The following RBFOX3 variants were observed in gnomAD, a reference collection of about 807,000 sequenced individuals.
The protein encoded by RBFOX3 is RNA binding protein fox-1 homolog 3.
Under a neutral mutation model 48.7 loss-of-function variants are expected in RBFOX3, and 17 were observed. The observed-to-expected ratio is 0.35, with a 90% CI of 0.24 to 0.52. The LOEUF (loss-of-function observed/expected upper bound fraction) is 0.52, where lower values mean the gene tolerates loss of function less well. Among genes scored for constraint, RBFOX3 ranks in the 20% least tolerant of loss-of-function variants. RBFOX3 has a pLI of 0.94. For synonymous variants in RBFOX3, 212 were observed against 209.5 expected, an observed-to-expected ratio of 1.01 and a Z score of -0.10; for missense variants, 382 against 497.5, an observed-to-expected ratio of 0.77 and a Z score of 2.21.
intron 1 of RBFOX3, among the ~76,000 whole-genome samples, chr17:79,605,962 AG>A (rs35272726): frequency 6.6e-6 from 1 of 152,208 alleles, no homozygotes; most frequent in Non-Finnish European, 1.5e-5. Context: ...TCTACCCACA[AG>A]GGGAACACTC....
At chr17:79,396,725 C>A (rs1422058264) in intron 2 of RBFOX3, among the ~76,000 whole-genome samples, 1 of 152,206 alleles carries the variant, frequency 6.6e-6, no homozygotes, top group South Asian at 2.1e-4. Context: ...TGAAAGCTGT[C>A]CCCCTCGGGC....
At chr17:79,189,919 C>A (rs1599883578) in intron 4 of RBFOX3, among the ~76,000 whole-genome samples, 1 of 152,246 alleles carries the variant, frequency 6.6e-6, no homozygotes, top group Non-Finnish European at 1.5e-5. Flanking sequence ...CCACTGCAGA[C>A]ATGACTGATG....
intron 2 of RBFOX3, among the ~76,000 whole-genome samples, chr17:79,447,914 C>T (rs1234582173): frequency 2.0e-5 from 3 of 152,276 alleles, no homozygotes; most frequent in East Asian, 3.9e-4. Context: ...GTAGATTTCC[C>T]TCTTGTTGTT....
At chr17:79,287,624 C>A (rs149759537) in intron 3 of RBFOX3, among the ~76,000 whole-genome samples, 1 of 152,220 alleles carries the variant, frequency 6.6e-6, no homozygotes. Flanking sequence ...GCCAGGGCAC[C>A]AGGGCCCCTC....
intron 2 of RBFOX3, among the ~76,000 whole-genome samples, chr17:79,376,732 C>G (rs2059267149): frequency 6.6e-6 from 1 of 152,118 alleles, no homozygotes; most frequent in African/African-American, 2.4e-5. Context: ...AGTTGAGGAC[C>G]TTGTTTTCAG....
intron 4 of RBFOX3, among the ~76,000 whole-genome samples, chr17:79,192,369 T>C (rs2146515819): frequency 6.6e-6 from 1 of 152,276 alleles, no homozygotes; most frequent in East Asian, 1.9e-4. Flanking sequence ...GACTTTTGAT[T>C]CCTGCTTGAT....
At chr17:79,178,693 C>T (rs914698341) in intron 4 of RBFOX3, among the ~76,000 whole-genome samples, 1 of 152,216 alleles carries the variant, frequency 6.6e-6, no homozygotes, top group Non-Finnish European at 1.5e-5. Flanking sequence ...AACCAAATGA[C>T]ATCAGGGTAA....
chr17:79,486,197 T>C (rs2079569847), intron 1 of RBFOX3, among the ~76,000 whole-genome samples: 1 of 151,392 alleles, frequency 6.6e-6, no homozygotes, highest in Non-Finnish European at 1.5e-5. Flanking sequence ...AGTTGGGGGC[T>C]GGGCTGGGCT....
intron 2 of RBFOX3, among the ~76,000 whole-genome samples, chr17:79,389,975 C>T (rs952210662): frequency 6.6e-5 from 10 of 151,378 alleles, no homozygotes; most frequent in Non-Finnish European, 2.9e-5. Context: ...CTGTAGCCTC[C>T]GGGTCTCCGC....
rs1042785231 is a variant in RBFOX3, at chr17:79,521,041, C to T, written c.-319-38443G>A. On this transcript the variant is annotated intron_variant, in intron 1 of 14. Coordinates refer to ENST00000693108, the MANE Select transcript of RBFOX3 (RefSeq NM_001350451.2). ...CAGCTTGGCTCTGCTGCCAGCGCCA[C>T]TCCTGGCTGTCTGGGAGGGGCCGGA... is the stretch of plus-strand genomic sequence containing the variant. Among the ~76,000 whole-genome samples the T allele has an allele frequency of 1.2e-4, 18 of 152,354 alleles. 1 individual carries two copies. Among genetic ancestry groups the T allele is most frequent in the Non-Finnish European group, 2.1e-4 (14 of 68,036 alleles).
At chr17:79,251,085 G>A (rs1295389748) in intron 3 of RBFOX3, among the ~76,000 whole-genome samples, 1 of 152,072 alleles carries the variant, frequency 6.6e-6, no homozygotes, top group East Asian at 1.9e-4. Context: ...TTACAGGTGT[G>A]AGCTGCCGCG....
Position 79,435,278 on chromosome 17 carries a change from G to A in RBFOX3, c.-175+47176C>T, listed in dbSNP as rs186527740. Among the ~76,000 whole-genome samples, 710 of 152,300 alleles carry A rather than the reference G, an allele frequency of 4.7e-3. 1 individual carries two copies. Among genetic ancestry groups the A allele is most frequent in the Non-Finnish European group, 7.1e-3 (480 of 68,026 alleles). ...AATGGCACCACATGGAGGTTGGAGTGTAGGCTCTGGAGCCAGGATCCAGGT... is the reference window on the plus strand; with the variant it reads ...AATGGCACCACATGGAGGTTGGAGTATAGGCTCTGGAGCCAGGATCCAGGT... On this transcript the variant is annotated intron_variant, in intron 2 of 14. Transcript: ENST00000693108.
At chr17:79,256,471 A>G (rs1468393941) in intron 3 of RBFOX3, among the ~76,000 whole-genome samples, 1 of 152,232 alleles carries the variant, frequency 6.6e-6, no homozygotes, top group Non-Finnish European at 1.5e-5. Flanking sequence ...ATTTACTTTA[A>G]TGAGATAAGT....
intron 1 of RBFOX3, chr17:79,599,950 G>A (rs1413754996): frequency 6.6e-6 from 1 of 152,214 alleles, no homozygotes; most frequent in Non-Finnish European, 1.5e-5. Context: ...TTAGCCAGTG[G>A]GAGGGCCGAG....
chr17:79,507,511 G>A (rs1568359029), intron 1 of RBFOX3, among the ~76,000 whole-genome samples: 2 of 152,112 alleles, frequency 1.3e-5, no homozygotes, highest in Non-Finnish European at 2.9e-5. Context: ...GCCCCAGGGT[G>A]GAGACGGGGA....
At chr17:79,294,675 AC>A (rs1209627719) in intron 3 of RBFOX3, among the ~76,000 whole-genome samples, 2 of 152,108 alleles carry the variant, frequency 1.3e-5, no homozygotes, top group African/African-American at 2.4e-5. Flanking sequence ...ACGGACAGCG[AC>A]CTGCGGGTGG....
In RBFOX3 at chr17:79,584,859, G is replaced by A. The variant is rs942343477; in HGVS notation, c.-320+25967C>T. On this transcript the variant is annotated intron_variant, in intron 1 of 14. Transcript: ENST00000693108. ...CAGCTCACTGCAAGCTCCACCTCCC[G>A]GGTTCACGCCATTCTCCTGCCTCAG... is the stretch of plus-strand genomic sequence containing the variant. Among the ~76,000 whole-genome samples the A allele has an allele frequency of 1.0e-3, 157 of 152,014 alleles. 2 individuals carry two copies. The highest frequency in any genetic ancestry group is 3.0e-3 in the African/African-American group (124 of 41,444).
At position 79,610,980 on chromosome 17, in the gene RBFOX3, G is replaced by T. The variant is rs1262145513; in HGVS notation, c.-474C>A. 4.0e-5 allele frequency among the ~76,000 whole-genome samples: 6 copies of T among 151,158 alleles called. No individual in the cohort carries two copies. The highest frequency in any genetic ancestry group is 3.9e-4 in the Admixed American group (6 of 15,206). ...GAGGCCGGGCTCGGGCGGCAGCTGT[G>T]GCAGCTGCTTCTCCTCCGACCACGC... On this transcript the variant is annotated 5_prime_UTR_variant, in exon 1 of 15. Transcript: ENST00000693108.
At chr17:79,211,032 CAT>C (rs1200367417) in intron 4 of RBFOX3, among the ~76,000 whole-genome samples, 2 of 148,436 alleles carry the variant, frequency 1.3e-5, no homozygotes, top group Non-Finnish European at 3.0e-5. Context: ...GCGTGACTCA[CAT>C]GTGCTATGGT....
Sources: allele counts gnomAD v4.1 joint callset (sites outside exome capture counted in the v4.1 genomes callset), GRCh38; gene constraint gnomAD v4.1.1; transcripts MANE v1.5; gene names NCBI Gene and HGNC (gene_info 2026-07-23, HGNC 2026-07-21).